The following CLPB variants were observed in gnomAD, a reference collection of about 807,000 sequenced individuals.
CLPB encodes the protein ClpB family mitochondrial disaggregase, also known as mitochondrial disaggregase.
Under a neutral mutation model 78.4 loss-of-function variants are expected in CLPB, and 40 were observed. The ratio of observed to expected loss-of-function variants is 0.51; its 90% CI spans 0.40 to 0.66. The LOEUF (loss-of-function observed/expected upper bound fraction) is 0.66, where lower values mean the gene tolerates loss of function less well. Ranked by LOEUF, CLPB falls within the 30% of genes least tolerant of loss-of-function variation. The pLI is 0.00. For missense variants in CLPB, 780 were observed against 886.9 expected, an observed-to-expected ratio of 0.88 and a Z score of 1.53; for synonymous variants, 333 against 348.0, an observed-to-expected ratio of 0.96 and a Z score of 0.48.
chr11:72,356,851 G>A (rs1442796195), intron 5 of CLPB: 1 of 152,336 alleles, frequency 6.6e-6, no homozygotes, highest in Non-Finnish European at 1.5e-5. Flanking sequence ...GTTGGGGGAA[G>A]CAGAGAATGT....
rs1949391324 is a variant in CLPB at position 72,286,401 on chromosome 11, CTT to C, written c.*6964_*6965del. The C allele has an allele frequency of 6.6e-6, 1 of 151,642 alleles. No homozygotes were observed. The highest frequency in any genetic ancestry group is 1.9e-4 in the East Asian group (1 of 5,184). The allele number at this position is 151,642 out of a possible 1,614,324, so 9.4% of individuals were successfully genotyped here. A position where few individuals can be genotyped will look rare whatever the true frequency, so the allele number is the denominator to read the frequency against. On this transcript the variant is annotated 3_prime_UTR_variant, in exon 16 of 16. Coordinates refer to ENST00000538039, the MANE Select transcript of CLPB (RefSeq NM_001258392.3). ...CACTACCATGCCTGGCCTGAAATAACTTTATACTTAAAAGTTGCAAAAACAAT... is the reference window on the plus strand; with the variant it reads ...CACTACCATGCCTGGCCTGAAATAACTATACTTAAAAGTTGCAAAAACAAT...
At position 72,358,857 on chromosome 11, in the gene CLPB, CCCT is replaced by C; in HGVS notation, c.775+20_775+22del. 7.0e-7 allele frequency: 1 copy of C among 1,438,160 alleles called. No individual in the cohort carries two copies. Among genetic ancestry groups the C allele is most frequent in the Non-Finnish European group, 9.4e-7 (1 of 1,064,908 alleles). The allele number at this position is 1,438,160 out of a possible 1,614,324, so 89.1% of individuals were successfully genotyped here. ...CCCTCTTCCACTTCCCCCACCCCAC[CCCT>C]CCTCCACCTCTGCTCTCACCTCCAT... is the stretch of plus-strand genomic sequence containing the variant. On this transcript the variant is annotated intron_variant, in intron 5 of 15. Coordinates refer to ENST00000538039, the MANE Select transcript of CLPB (RefSeq NM_001258392.3).
At chr11:72,417,238 G>A (rs1046911908) in intron 2 of CLPB, among the ~76,000 whole-genome samples, 1 of 152,132 alleles carries the variant, frequency 6.6e-6, no homozygotes, top group Non-Finnish European at 1.5e-5. Context: ...ATCCATACAG[G>A]GAATATTATT....
chr11:72,409,786 T>C (rs1279742180), intron 2 of CLPB, among the ~76,000 whole-genome samples: 4 of 152,024 alleles, frequency 2.6e-5, no homozygotes, highest in Admixed American at 6.6e-5. Flanking sequence ...GAGATCAGCC[T>C]GGCTAATGTG....
At chr11:72,323,677 C>T (rs982688921) in intron 6 of CLPB, among the ~76,000 whole-genome samples, 5 of 151,808 alleles carry the variant, frequency 3.3e-5, no homozygotes, top group Non-Finnish European at 7.4e-5. Flanking sequence ...AACGTTTGGA[C>T]CATTCCAGAT....
chr11:72,380,566 T>A (rs1351064992), intron 3 of CLPB, among the ~76,000 whole-genome samples, 182 bp from the exon 4 acceptor site: 1 of 152,058 alleles, frequency 6.6e-6, no homozygotes, highest in Non-Finnish European at 1.5e-5. Context: ...GGACAGGAGA[T>A]CTTAGCCGGG....
At position 72,403,192 on chromosome 11, in the gene CLPB, G is replaced by A. The variant is rs1590902571; in HGVS notation, c.456-140C>T. Reference sequence around the variant, plus strand: ...AAGTAGAAACAACCATAGAAGAAATGACATAGTCAACAAACAGAGCCTGAA... The same window carrying A: ...AAGTAGAAACAACCATAGAAGAAATAACATAGTCAACAAACAGAGCCTGAA... On this transcript the variant is annotated intron_variant, in intron 2 of 15. Coordinates refer to ENST00000538039, the MANE Select transcript of CLPB (RefSeq NM_001258392.3). 7.2e-6 allele frequency: 6 copies of A among 831,514 alleles called. No homozygotes were observed. The East Asian group carries it at 1.5e-4, about 20-fold the overall frequency. 51.5% of individuals were successfully genotyped at this position (831,514 alleles called of 1,614,324 possible). A position where few individuals can be genotyped will look rare whatever the true frequency, so the allele number is the denominator to read the frequency against.
intron 4 of CLPB, among the ~76,000 whole-genome samples, chr11:72,367,692 C>T (rs1950970167): frequency 1.3e-5 from 2 of 151,956 alleles, no homozygotes; most frequent in African/African-American, 4.8e-5. Flanking sequence ...CAATTATACA[C>T]CACACCCCAG....
chr11:72,401,720 G>C (rs181840963), intron 3 of CLPB, among the ~76,000 whole-genome samples: 16 of 152,284 alleles, frequency 1.1e-4, no homozygotes, highest in African/African-American at 3.8e-4. Flanking sequence ...AACTGAAATT[G>C]GTACCTCCAA....
intron 4 of CLPB, among the ~76,000 whole-genome samples, chr11:72,379,844 G>A (rs1854847615): frequency 6.6e-6 from 1 of 152,206 alleles, no homozygotes; most frequent in Non-Finnish European, 1.5e-5. Flanking sequence ...GGAATCCAGT[G>A]AGGCTGTTGT....
chr11:72,318,600 C>A (rs546216627), intron 6 of CLPB, among the ~76,000 whole-genome samples: 2 of 152,290 alleles, frequency 1.3e-5, no homozygotes, highest in Non-Finnish European at 2.9e-5. Flanking sequence ...ATTGCTCTTG[C>A]GGGCAGAGTG....
At chr11:72,422,061 A>G (rs1371449715) in intron 2 of CLPB, among the ~76,000 whole-genome samples, 1 of 151,024 alleles carries the variant, frequency 6.6e-6, no homozygotes, top group South Asian at 2.1e-4. Flanking sequence ...AGGTCAGGAG[A>G]TCGAGACCAT....
intron 1 of CLPB, among the ~76,000 whole-genome samples, chr11:72,433,471 C>G (rs1290095936): frequency 6.6e-6 from 1 of 151,746 alleles, no homozygotes; most frequent in African/African-American, 2.4e-5. Context: ...ACCCGGGAGG[C>G]GGAGGTTGCA....
chr11:72,325,392 G>C (rs1235534744), intron 6 of CLPB, among the ~76,000 whole-genome samples: 3 of 152,152 alleles, frequency 2.0e-5, no homozygotes, highest in Non-Finnish European at 4.4e-5. Context: ...GCAGGTATCA[G>C]AGCTAAGAGT....
rs1270450054 is a variant in CLPB at position 72,288,602 on chromosome 11, A to G, written c.*4765T>C. ...ATAAAAATATGCTGAGCAAACAAACAATACTTTTCTGTTCCAGAGCCCACT... is the reference window on the plus strand; with the variant it reads ...ATAAAAATATGCTGAGCAAACAAACGATACTTTTCTGTTCCAGAGCCCACT... On this transcript the variant is annotated 3_prime_UTR_variant, in exon 16 of 16. Transcript: ENST00000538039. 6.6e-6 allele frequency: 1 copy of G among 152,198 alleles called. No homozygotes were observed. The highest frequency in any genetic ancestry group is 1.5e-5 in the Non-Finnish European group (1 of 68,046). 9.4% of individuals were successfully genotyped at this position (152,198 alleles called of 1,614,324 possible). A position where few individuals can be genotyped will look rare whatever the true frequency, so the allele number is the denominator to read the frequency against.
At chr11:72,333,507 T>TTCAG (rs1401399068) in intron 5 of CLPB, among the ~76,000 whole-genome samples, 1 of 152,246 alleles carries the variant, frequency 6.6e-6, no homozygotes, top group Non-Finnish European at 1.5e-5. Flanking sequence ...AAAACCACTT[T>TTCAG]TCAGGTTTTC....
chr11:72,317,580 T>G (rs1014889112), intron 6 of CLPB, among the ~76,000 whole-genome samples: 1 of 152,228 alleles, frequency 6.6e-6, no homozygotes, highest in South Asian at 2.1e-4. Flanking sequence ...GGATTAAATA[T>G]TAATATGATG....
chr11:72,328,906 G>T (rs1293797315), intron 6 of CLPB, among the ~76,000 whole-genome samples: 1 of 142,720 alleles, frequency 7.0e-6, no homozygotes, highest in Non-Finnish European at 1.5e-5. Context: ...TCCCCTCAGA[G>T]GCTGAGTGAA....
At chr11:72,407,633 A>C (rs1437969537) in intron 2 of CLPB, among the ~76,000 whole-genome samples, 1 of 151,562 alleles carries the variant, frequency 6.6e-6, no homozygotes, top group African/African-American at 2.4e-5. Flanking sequence ...TTCTAGCTCT[A>C]GCTCTGCCAC....
Sources: gnomAD v4.1 joint callset for allele counts (sites outside exome capture counted in the v4.1 genomes callset) on GRCh38, gnomAD v4.1.1 for gene constraint, MANE v1.5 for transcripts, NCBI Gene and HGNC (gene_info 2026-07-23, HGNC 2026-07-21) for gene names.